MEI1: variants seen among roughly 807,000 people sequenced by gnomAD.
The protein encoded by MEI1 is meiosis inhibitor protein 1.
A neutral mutation model predicts 146.2 loss-of-function variants in MEI1; 103 were observed. The observed-to-expected ratio is 0.70, with a 90% CI of 0.60 to 0.83. The LOEUF (loss-of-function observed/expected upper bound fraction) is 0.83. Among genes scored for constraint, MEI1 ranks in the 40% least tolerant of loss-of-function variants. The probability of loss-of-function intolerance (pLI) is 0.00; values close to 1 mark genes in which losing one functional copy is unlikely to be tolerated. For missense variants in MEI1, 1,529 were observed against 1,533.0 expected, an observed-to-expected ratio of 1.00 and a Z score of 0.04; for synonymous variants, 652 against 628.2, an observed-to-expected ratio of 1.04 and a Z score of -0.57.
intron 5 of MEI1, 30 bp downstream of exon 5, chr22:41,716,176 AC>A: frequency 1.4e-6 from 2 of 1,442,000 alleles, no homozygotes; most frequent in Non-Finnish European, 1.9e-6. Flanking sequence ...AGCTGCCACT[AC>A]CCTTTTACCT....
At chr22:41,752,743 C>A in intron 16 of MEI1, 92 bp downstream of exon 16, 2 of 1,090,542 alleles carry the variant, frequency 1.8e-6, no homozygotes, top group South Asian at 1.3e-5. Context: ...GTGTTTTAGT[C>A]ATGGGCTCAT....
Position 41,795,705 on chromosome 22 carries a change from C to G in MEI1, c.3667-30C>G. The G allele has an allele frequency of 6.2e-7, 1 of 1,603,588 alleles. No homozygotes were observed. Among genetic ancestry groups the G allele is most frequent in the Non-Finnish European group, 8.5e-7 (1 of 1,172,790 alleles). On this transcript the variant is annotated intron_variant, in intron 29 of 30. Coordinates refer to ENST00000401548, the MANE Select transcript of MEI1 (RefSeq NM_152513.4). This position sits in a 1 kb window ranked among gnomAD's most constrained non-coding sequence, Gnocchi z 4.2. The stretch of plus-strand genomic sequence containing the variant: ...CTGTGTGGAATGGGCACTGAGGAGG[C>G]CTGTCTTCCCTGCCCTCTTCTCCCT...
chr22:41,716,916 C>T (rs2070257557), intron 5 of MEI1, among the ~76,000 whole-genome samples: 1 of 151,694 alleles, frequency 6.6e-6, no homozygotes, highest in African/African-American at 2.4e-5. Context: ...GTCTCGATCT[C>T]CTGACCTGCT....
chr22:41,789,295 G>T (rs936825412), intron 26 of MEI1, among the ~76,000 whole-genome samples: 5 of 152,284 alleles, frequency 3.3e-5, no homozygotes, highest in Non-Finnish European at 7.3e-5. Context: ...CTGGGTGACA[G>T]AGCAAGACTC....
At chr22:41,798,157 AC>A (rs2076432289) in intron 30 of MEI1, among the ~76,000 whole-genome samples, 4 of 117,264 alleles carry the variant, frequency 3.4e-5, no homozygotes, top group Admixed American at 1.0e-4. Context: ...ACACACACAC[AC>A]ACACACACAC....
At chr22:41,708,023 A>G (rs984347991) in intron 3 of MEI1, among the ~76,000 whole-genome samples, 5 of 152,226 alleles carry the variant, frequency 3.3e-5, no homozygotes, top group Admixed American at 6.5e-5. Flanking sequence ...ACCTAACAAG[A>G]TGTAACTATC....
At chr22:41,788,985 C>T (rs963162187) in intron 26 of MEI1, among the ~76,000 whole-genome samples, 1 of 152,152 alleles carries the variant, frequency 6.6e-6, no homozygotes, top group Admixed American at 6.6e-5. Context: ...TACGGGTATA[C>T]ACCACCATGC....
intron 26 of MEI1, among the ~76,000 whole-genome samples, chr22:41,790,119 G>T (rs751319173): frequency 6.6e-6 from 1 of 152,128 alleles, no homozygotes; most frequent in Non-Finnish European, 1.5e-5. Flanking sequence ...CTCTCATTCT[G>T]TTGTCCAGGC....
intron 15 of MEI1, among the ~76,000 whole-genome samples, chr22:41,749,809 T>C (rs1400657313): frequency 6.6e-6 from 1 of 151,832 alleles, no homozygotes; most frequent in African/African-American, 2.4e-5. Context: ...AGGGAACAGT[T>C]CAAGGTAATG....
At chr22:41,732,723 C>G (rs1446870627) in intron 11 of MEI1, 120 bp downstream of exon 11, 1 of 1,141,428 alleles carries the variant, frequency 8.8e-7, no homozygotes, top group Middle Eastern at 2.4e-4. Context: ...ATAGTTGGCC[C>G]TTCATAATTG....
chr22:41,715,158 G>A (rs999023865), intron 4 of MEI1, among the ~76,000 whole-genome samples: 2 of 152,080 alleles, frequency 1.3e-5, no homozygotes, highest in African/African-American at 4.8e-5. Flanking sequence ...CTATGGGCTA[G>A]GGATTGTATG....
At chr22:41,775,982 G>T (rs992285664) in intron 20 of MEI1, 120 bp from the exon 21 acceptor site, 4 of 997,414 alleles carry the variant, frequency 4.0e-6, no homozygotes, top group Admixed American at 2.3e-5. Flanking sequence ...GTAAGTGACA[G>T]ATTACCCAGT....
At chr22:41,732,435 T>C in intron 10 of MEI1, 34 bp from the exon 11 acceptor site, 1 of 1,612,862 alleles carries the variant, frequency 6.2e-7, no homozygotes, top group Non-Finnish European at 8.5e-7. Context: ...GTGAGAAGAG[T>C]TCACCTACTC....
At chr22:41,739,718 C>G (rs1230031854) in intron 11 of MEI1, among the ~76,000 whole-genome samples, 1 of 152,082 alleles carries the variant, frequency 6.6e-6, no homozygotes, top group Non-Finnish European at 1.5e-5. Flanking sequence ...CAATGTCAAT[C>G]AGAGGCATCT....
intron 6 of MEI1, among the ~76,000 whole-genome samples, chr22:41,719,229 G>A (rs1018667447): frequency 2.0e-5 from 3 of 151,948 alleles, no homozygotes; most frequent in Admixed American, 6.6e-5. Flanking sequence ...TGATCCACCC[G>A]CCTTGGCTCC....
Position 41,743,128 on chromosome 22 carries a change from T to C in MEI1, c.1380T>C (p.Ala460=), listed in dbSNP as rs759965520. 1 of 1,613,300 alleles carries C rather than the reference T, an allele frequency of 6.2e-7. No homozygotes were observed. The highest frequency in any genetic ancestry group is 2.2e-5 in the East Asian group (1 of 44,882). ...CTGTGCAGTATGGGGAACTGCAGGC[T>C]TTGCTAGAAGCCATGCTAAACCGAT... is the stretch of plus-strand genomic sequence containing the variant. ...TPPVQYGELQ[A]LLEAMLNRCA... The change falls in exon 12 of 31, where the codon GCT becomes GCC. Residue 460 remains alanine (A), a synonymous_variant. Coordinates refer to ENST00000401548, the MANE Select transcript of MEI1 (RefSeq NM_152513.4).
chr22:41,713,635 G>A (rs1167176200), intron 3 of MEI1, among the ~76,000 whole-genome samples: 6 of 152,072 alleles, frequency 3.9e-5, no homozygotes, highest in Non-Finnish European at 8.8e-5. Context: ...TACAACCTCC[G>A]CCTGCCGGGT....
intron 11 of MEI1, among the ~76,000 whole-genome samples, chr22:41,740,390 C>T (rs1450675638): frequency 1.3e-5 from 2 of 151,904 alleles, no homozygotes; most frequent in Non-Finnish European, 2.9e-5. Context: ...TGGGGTGGTT[C>T]AGAGTGTCTT....
At chr22:41,701,447 G>A (rs1424257572) in intron 1 of MEI1, among the ~76,000 whole-genome samples, 1 of 151,684 alleles carries the variant, frequency 6.6e-6, no homozygotes, top group African/African-American at 2.4e-5. Context: ...TGGCCAACAT[G>A]GAAAAAATTT....
Sources: allele counts gnomAD v4.1 joint callset (sites outside exome capture counted in the v4.1 genomes callset), GRCh38; gene constraint gnomAD v4.1.1; non-coding constraint Gnocchi (gnomAD v3.1); transcripts MANE v1.5; gene names NCBI Gene and HGNC (gene_info 2026-07-23, HGNC 2026-07-21).